Variants in VAV3 observed in about 807,000 individuals in gnomAD.
VAV3 encodes guanine nucleotide exchange factor VAV3.
VAV3 carries 94 observed loss-of-function variants against 131.2 expected under a neutral mutation model. The observed-to-expected ratio is 0.72, with a 90% confidence interval of 0.61 to 0.85. VAV3 has a LOEUF of 0.85. Ranked by LOEUF, VAV3 falls within the 40% of genes least tolerant of loss-of-function variation. The pLI is 0.00. For missense variants in VAV3, 939 were observed against 1,002.7 expected (o/e 0.94, Z 0.86); for synonymous variants, 349 against 342.0 (o/e 1.02, Z -0.22).
At chr1:107,711,079 T>C (rs971378668) in intron 15 of VAV3, among the ~76,000 whole-genome samples, 7 of 152,018 alleles carry the variant, frequency 4.6e-5, no homozygotes, top group African/African-American at 1.7e-4. Flanking sequence ...ACAAGAAAAA[T>C]GAATGTGAAG....
At position 107,585,288 on chromosome 1, in the gene VAV3, A is replaced by G. The variant is rs192395262; in HGVS notation, c.2350+10924T>C. Among the ~76,000 whole-genome samples, 238 of 152,286 alleles carry G rather than the reference A, an allele frequency of 1.6e-3. 1 individual carries two copies. The highest frequency in any genetic ancestry group is 1.7e-3 in the Non-Finnish European group (114 of 68,022). ...TGGCTACGTGCTGTTCCAGGCCACT[A>G]TCATCTCTTACCTTGATTGCTGTAT... On this transcript the variant is annotated intron_variant, in intron 25 of 26. Transcript: ENST00000370056.
At chr1:107,608,266 AGTTT>A (rs1652450339) in intron 22 of VAV3, among the ~76,000 whole-genome samples, 1 of 152,144 alleles carries the variant, frequency 6.6e-6, no homozygotes, top group Admixed American at 6.5e-5. Flanking sequence ...GTACCTAATA[AGTTT>A]ATTTCATAAA....
At chr1:107,928,713 A>C (rs1673277580) in intron 1 of VAV3, among the ~76,000 whole-genome samples, 1 of 152,216 alleles carries the variant, frequency 6.6e-6, no homozygotes, top group South Asian at 2.1e-4. Flanking sequence ...GAGGAGGCAA[A>C]AGAAAAAAAA....
chr1:107,940,313 C>T (rs1014035332), intron 1 of VAV3, among the ~76,000 whole-genome samples: 12 of 152,162 alleles, frequency 7.9e-5, no homozygotes, highest in African/African-American at 2.7e-4. Context: ...CTATCATCTG[C>T]CCCACACCCA....
At chr1:107,587,793 C>T (rs1041489371) in intron 25 of VAV3, among the ~76,000 whole-genome samples, 10 of 151,934 alleles carry the variant, frequency 6.6e-5, no homozygotes, top group African/African-American at 1.5e-4. Flanking sequence ...GGTTTCACCA[C>T]GTTGGCCAGG....
At chr1:107,691,820 C>A (rs1659443623) in intron 17 of VAV3, among the ~76,000 whole-genome samples, 1 of 152,090 alleles carries the variant, frequency 6.6e-6, no homozygotes, top group South Asian at 2.1e-4. Context: ...GGAGCCTTTG[C>A]AGAACTCCAT....
chr1:107,954,276 G>C (rs1183841091), intron 1 of VAV3, among the ~76,000 whole-genome samples: 1 of 152,104 alleles, frequency 6.6e-6, no homozygotes, highest in Non-Finnish European at 1.5e-5. Flanking sequence ...CTGCTTCCCA[G>C]AGAAATGTAG....
At chr1:107,782,195 C>T (rs547114631) in intron 2 of VAV3, among the ~76,000 whole-genome samples, 2 of 152,216 alleles carry the variant, frequency 1.3e-5, no homozygotes, top group Admixed American at 1.3e-4. Context: ...TTTATTATTG[C>T]TATTCTATTA....
chr1:107,816,981 G>A (rs577741821), intron 2 of VAV3, among the ~76,000 whole-genome samples: 8 of 152,258 alleles, frequency 5.3e-5, no homozygotes, highest in South Asian at 4.1e-4. Context: ...CTCCAGTTCA[G>A]TATACCACAC....
At chr1:107,857,622 A>AT (rs1475181281) in intron 2 of VAV3, among the ~76,000 whole-genome samples, 1 of 152,076 alleles carries the variant, frequency 6.6e-6, no homozygotes, top group Non-Finnish European at 1.5e-5. Context: ...TCTTGCGGGT[A>AT]TGTTCTTTTG....
chr1:107,913,529 G>T (rs1037704289), intron 1 of VAV3, among the ~76,000 whole-genome samples: 1 of 152,196 alleles, frequency 6.6e-6, no homozygotes, highest in Non-Finnish European at 1.5e-5. Flanking sequence ...GAGGCAAAAG[G>T]AAGGAAATGC....
intron 17 of VAV3, among the ~76,000 whole-genome samples, chr1:107,703,677 A>G (rs972295137): frequency 2.6e-5 from 4 of 152,198 alleles, no homozygotes; most frequent in African/African-American, 9.6e-5. Context: ...TCTTTTTCAC[A>G]TTATCCAAAA....
At chr1:107,796,321 C>T (rs556802345) in intron 2 of VAV3, among the ~76,000 whole-genome samples, 2 of 152,250 alleles carry the variant, frequency 1.3e-5, no homozygotes, top group South Asian at 4.1e-4. Flanking sequence ...CTCTACCCAA[C>T]CAAGCTGCCC....
At position 107,870,032 on chromosome 1, in the gene VAV3, T is replaced by C. The variant is rs1055021790; in HGVS notation, c.321+4869A>G. On this transcript the variant is annotated intron_variant, in intron 2 of 26. Transcript: ENST00000370056. ...CATATATACAATTTCTTTATCCACA[T>C]TGATTGACGGGCATTTGGGCTGATT... Among the ~76,000 whole-genome samples, 6 of 152,310 alleles carry C rather than the reference T, an allele frequency of 3.9e-5. No individual in the cohort carries two copies. In the South Asian group the frequency reaches 6.2e-4, roughly 16 times the overall value.
chr1:107,760,609 A>G (rs1664355487), intron 10 of VAV3, among the ~76,000 whole-genome samples, 175 bp downstream of exon 10: 10 of 152,220 alleles, frequency 6.6e-5, no homozygotes, highest in Admixed American at 6.5e-4. Flanking sequence ...ATCTCTGCTA[A>G]AAGGAAGAAA....
In VAV3 at chr1:107,602,495, T is replaced by C. The variant is rs1178734820; in HGVS notation, c.2133-11A>G. The C allele has an allele frequency of 6.4e-7, 1 of 1,553,958 alleles. No homozygotes were observed. The highest frequency in any genetic ancestry group is 1.4e-5 in the African/African-American group (1 of 70,822). ...GCTTCATTATTGTACCTGTGGGCAATGAATAACTTATGAATATAAATGTGT... is the reference window on the plus strand; with the variant it reads ...GCTTCATTATTGTACCTGTGGGCAACGAATAACTTATGAATATAAATGTGT... On this transcript the variant is annotated splice_polypyrimidine_tract_variant and intron_variant, in intron 23 of 26. Coordinates refer to ENST00000370056, the MANE Select transcript of VAV3 (RefSeq NM_006113.5).
chr1:107,618,598 C>T (rs546623974), intron 20 of VAV3, among the ~76,000 whole-genome samples: 1 of 152,248 alleles, frequency 6.6e-6, no homozygotes, highest in South Asian at 2.1e-4. Flanking sequence ...CTAGACACTG[C>T]TCTGAGTGTT....
rs116316409 is a variant in VAV3, at chr1:107,875,770, C to T, written c.205-753G>A. ...GAATATAGAGTGAAAGGGGCCGGAG[C>T]TAGGGTGGAGGCAGGAAAACCAGAC... On this transcript the variant is annotated intron_variant, in intron 1 of 26. Transcript: ENST00000370056. 5.6e-3 allele frequency among the ~76,000 whole-genome samples: 846 copies of T among 152,224 alleles called. 12 individuals are homozygous for T. The highest frequency in any genetic ancestry group is 0.019 in the African/African-American group (792 of 41,540).
chr1:107,690,075 T>C (rs935127885), intron 17 of VAV3, among the ~76,000 whole-genome samples: 7 of 152,178 alleles, frequency 4.6e-5, no homozygotes, highest in African/African-American at 1.4e-4. Context: ...AGCTCCAAAA[T>C]TGGGGAAACC....
Sources: gnomAD v4.1 joint callset for allele counts (sites outside exome capture counted in the v4.1 genomes callset) on GRCh38, gnomAD v4.1.1 for gene constraint, MANE v1.5 for transcripts, NCBI Gene and HGNC (gene_info 2026-07-23, HGNC 2026-07-21) for gene names.